TBXAS1: variants seen among roughly 807,000 people sequenced by gnomAD.
TBXAS1 encodes the protein thromboxane-A synthase.
Under a neutral mutation model 60.7 loss-of-function variants are expected in TBXAS1, and 48 were observed. The observed-to-expected ratio is 0.79, with a 90% CI of 0.63 to 1.01. TBXAS1 has a LOEUF of 1.01. Ranked by LOEUF, TBXAS1 falls within the 50% of genes least tolerant of loss-of-function variation. TBXAS1 has a pLI of 0.00. For missense variants in TBXAS1, 685 were observed against 686.3 expected (o/e 1.00, Z 0.02); for synonymous variants, 287 against 269.7 (o/e 1.06, Z -0.63).
At chr7:139,938,265 G>A (rs1033761591) in intron 5 of TBXAS1, among the ~76,000 whole-genome samples, 3 of 152,122 alleles carry the variant, frequency 2.0e-5, no homozygotes, top group South Asian at 2.1e-4. Flanking sequence ...GGGGCCCACC[G>A]GGATCACTTG....
At chr7:140,019,914 T>C (rs1815414404) in intron 12 of TBXAS1, 111 bp from the exon 13 acceptor site, 1 of 1,030,354 alleles carries the variant, frequency 9.7e-7, no homozygotes. Context: ...TCTGCTTTCT[T>C]CTTGTGTGAC....
rs181301246 is a variant in TBXAS1 at position 139,857,823 on chromosome 7, T to A, written c.90-14412T>A. Among the ~76,000 whole-genome samples, 217 of 152,024 alleles carry A rather than the reference T, an allele frequency of 1.4e-3. 2 individuals are homozygous for A. Among genetic ancestry groups the A allele is most frequent in the African/African-American group, 5.0e-3 (209 of 41,432 alleles). ...ATAGCTTACTGCAGCCTCTAATTCC[T>A]GGGCTCAAGTGATCCTCCTGCCTCA... On this transcript the variant is annotated intron_variant, in intron 1 of 12. Coordinates refer to ENST00000448866, the MANE Select transcript of TBXAS1 (RefSeq NM_001061.7).
intron 4 of TBXAS1, among the ~76,000 whole-genome samples, chr7:139,935,951 G>C (rs926287002): frequency 6.6e-6 from 1 of 152,172 alleles, no homozygotes; most frequent in African/African-American, 2.4e-5. Context: ...TGACCACATC[G>C]CAGCAGGGTA....
intron 10 of TBXAS1, among the ~76,000 whole-genome samples, chr7:140,014,642 G>A (rs942290266): frequency 4.6e-5 from 7 of 152,134 alleles, no homozygotes; most frequent in African/African-American, 1.7e-4. Context: ...AGGTGCAGTG[G>A]CTCATGCCTG....
chr7:139,830,792 T>C (rs1322371784), intron 1 of TBXAS1, among the ~76,000 whole-genome samples: 2 of 152,154 alleles, frequency 1.3e-5, no homozygotes, highest in Admixed American at 6.5e-5. Flanking sequence ...GTGGTTTAGG[T>C]TTATTTTTAA....
chr7:139,885,817 C>T (rs2116899092), intron 3 of TBXAS1, among the ~76,000 whole-genome samples: 1 of 152,276 alleles, frequency 6.6e-6, no homozygotes, highest in African/African-American at 2.4e-5. Context: ...TTGTTACTCA[C>T]ATAGGGCAAA....
intron 12 of TBXAS1, among the ~76,000 whole-genome samples, chr7:140,019,493 T>G (rs921206862): frequency 2.6e-5 from 4 of 152,170 alleles, no homozygotes; most frequent in African/African-American, 9.7e-5. Flanking sequence ...CTCAGACAAG[T>G]GCTGGGGCCT....
intron 9 of TBXAS1, among the ~76,000 whole-genome samples, chr7:139,974,703 C>G (rs1046079180): frequency 6.6e-6 from 1 of 152,186 alleles, no homozygotes; most frequent in African/African-American, 2.4e-5. Flanking sequence ...GTACATATAG[C>G]TACTCTCATT....
At chr7:139,971,265 G>A (rs1027117604) in intron 9 of TBXAS1, among the ~76,000 whole-genome samples, 3 of 152,134 alleles carry the variant, frequency 2.0e-5, no homozygotes, top group East Asian at 1.9e-4. Context: ...CTCCCAGCCC[G>A]TGAAGAGGGG....
chr7:140,011,627 AG>A (rs1469407841), intron 10 of TBXAS1, among the ~76,000 whole-genome samples: 1 of 152,204 alleles, frequency 6.6e-6, no homozygotes, highest in East Asian at 1.9e-4. Flanking sequence ...ACTCACTCAG[AG>A]GAGCCAAATT....
At chr7:139,932,166 CAA>C (rs56765418) in intron 4 of TBXAS1, among the ~76,000 whole-genome samples, 1,343 of 66,340 alleles carry the variant, frequency 0.02, 15 homozygotes, top group African/African-American at 0.051. Context: ...GACTCCATCT[CAA>C]AAAAAAAAAA....
intron 3 of TBXAS1, among the ~76,000 whole-genome samples, chr7:139,785,285 C>T (rs1291406160): frequency 6.6e-6 from 1 of 152,044 alleles, no homozygotes; most frequent in Non-Finnish European, 1.5e-5. Context: ...ATCTCTAGAT[C>T]TCTGAGGCTG....
At chr7:140,016,924 G>C (rs1459394527) in intron 11 of TBXAS1, 1 of 152,514 alleles carries the variant, frequency 6.6e-6, no homozygotes. Context: ...ACGTGCCGCA[G>C]CCACAGGGCT....
chr7:139,807,604 C>T (rs773671303), intron 4 of TBXAS1, among the ~76,000 whole-genome samples: 6 of 152,136 alleles, frequency 3.9e-5, no homozygotes, highest in East Asian at 1.9e-4. Flanking sequence ...AGGATGGTCT[C>T]GATCTCTTGA....
At chr7:139,924,208 GT>G (rs1322770066) in intron 4 of TBXAS1, among the ~76,000 whole-genome samples, 4 of 152,042 alleles carry the variant, frequency 2.6e-5, no homozygotes, top group Admixed American at 2.6e-4. Flanking sequence ...AGTTTTTTTA[GT>G]TTTTTGAGGC....
At chr7:139,890,836 C>T (rs185992595) in intron 3 of TBXAS1, among the ~76,000 whole-genome samples, 16 of 152,122 alleles carry the variant, frequency 1.1e-4, no homozygotes, top group African/African-American at 3.9e-4. Context: ...CCTTTTATTC[C>T]CAGTGTTCTC....
chr7:139,783,034 A>T (rs1215025275), intron 3 of TBXAS1, among the ~76,000 whole-genome samples: 2 of 152,222 alleles, frequency 1.3e-5, no homozygotes, highest in Admixed American at 1.3e-4. Flanking sequence ...TTAATAACAA[A>T]ACTCTTTAAC....
intron 1 of TBXAS1, among the ~76,000 whole-genome samples, chr7:139,865,862 G>A (rs1423016799): frequency 8.8e-6 from 1 of 114,160 alleles, no homozygotes; most frequent in African/African-American, 3.7e-5. Flanking sequence ...GAGGGAGGGA[G>A]GAAGGAAGGA....
In TBXAS1 at chr7:139,899,580, T is replaced by C. The variant is rs566670133; in HGVS notation, c.237-11645T>C. ...TTCTCTTCAACCAGGTGCTTTGGAGTTGAATAAGTGAATTCTTAATTGCAT... is the reference window on the plus strand; with the variant it reads ...TTCTCTTCAACCAGGTGCTTTGGAGCTGAATAAGTGAATTCTTAATTGCAT... On this transcript the variant is annotated intron_variant, in intron 3 of 12. Transcript: ENST00000448866. Among the ~76,000 whole-genome samples the C allele has an allele frequency of 5.9e-5, 9 of 152,336 alleles. No homozygotes were observed. In the East Asian group the frequency reaches 1.3e-3, roughly 23 times the overall value.
Sources: gnomAD v4.1 joint callset for allele counts (sites outside exome capture counted in the v4.1 genomes callset) on GRCh38, gnomAD v4.1.1 for gene constraint, MANE v1.5 for transcripts, NCBI Gene and HGNC (gene_info 2026-07-23, HGNC 2026-07-21) for gene names.